The following TIMM21 variants were observed in gnomAD, a reference collection of about 807,000 sequenced individuals.
TIMM21 encodes the protein translocase of inner mitochondrial membrane 21.
In TIMM21, 30 loss-of-function variants were observed where a neutral mutation model predicts 27.7. That is an observed-to-expected ratio of 1.08 (90% CI 0.81 to 1.47). The LOEUF is 1.47. Ranked by LOEUF, TIMM21 falls within the 40% of genes most tolerant of loss-of-function variation. The pLI, the probability that TIMM21 is intolerant of heterozygous loss-of-function variation, is 0.00. For synonymous variants in TIMM21, 121 were observed against 114.4 expected (o/e 1.06, Z -0.37); for missense variants, 292 against 302.9 (o/e 0.96, Z 0.27).
In TIMM21 at chr18:74,158,837, A is replaced by T; in HGVS notation, c.*357A>T. On this transcript the variant is annotated 3_prime_UTR_variant, in exon 6 of 6. Transcript: ENST00000169551. ...AACTGCATAATGTCTGCAGAATAAA[A>T]TTAAAACTAACAAATATGTCATTAG... 2 of 193,178 alleles carry T rather than the reference A, an allele frequency of 1.0e-5. No individual in the cohort carries two copies. Among genetic ancestry groups the T allele is most frequent in the Non-Finnish European group, 2.1e-5 (2 of 94,916 alleles). The allele number at this position is 193,178 out of a possible 1,614,324, so 12.0% of individuals were successfully genotyped here.
intron 1 of TIMM21, among the ~76,000 whole-genome samples, chr18:74,150,596 G>T (rs1187324576): frequency 6.6e-6 from 1 of 152,194 alleles, no homozygotes; most frequent in East Asian, 1.9e-4. Context: ...GACTACTGCT[G>T]CTGCTTCTGA....
intron 1 of TIMM21, 101 bp from the exon 2 acceptor site, chr18:74,155,044 A>T (rs750018665): frequency 2.6e-4 from 303 of 1,150,774 alleles, no homozygotes; most frequent in Non-Finnish European, 3.8e-4. Context: ...CCTTGCTTTG[A>T]TCTGGAGGCT....
chr18:74,151,153 G>A (rs1306951824), intron 1 of TIMM21, among the ~76,000 whole-genome samples: 2 of 152,234 alleles, frequency 1.3e-5, no homozygotes, highest in African/African-American at 2.4e-5. Context: ...CACAGACTAT[G>A]TCCAAGTTGA....
intron 3 of TIMM21, chr18:74,156,184 AC>A: frequency 2.5e-6 from 1 of 398,542 alleles, no homozygotes; most frequent in Non-Finnish European, 4.4e-6. Flanking sequence ...AACTTCATTC[AC>A]CCTGAAAGAT....
At position 74,155,162 on chromosome 18, in the gene TIMM21, G is replaced by T. The variant is rs756895979; in HGVS notation, c.319G>T (p.Asp107Tyr). The T allele has an allele frequency of 1.2e-6, 2 of 1,614,222 alleles. No individual in the cohort carries two copies. Among genetic ancestry groups the T allele is most frequent in the Admixed American group, 1.7e-5 (1 of 60,036 alleles). Residue 107 changes from aspartate (D) to tyrosine (Y), a missense_variant, in exon 2 of 6, where the codon GAT becomes TAT. Transcript: ENST00000169551. ...TSQKVKEAGR[D>Y]FTYLIVVLFG... The stretch of plus-strand genomic sequence containing the variant: ...CTTCACAGTGAAAGAAGCCGGAAGA[G>T]ATTTTACCTATTTAATAGTGGTGCT...
rs1435106167 is a variant in TIMM21 at position 74,159,358 on chromosome 18, C to T, written c.*878C>T. The T allele has an allele frequency of 6.6e-6, 1 of 150,822 alleles. No homozygotes were observed. 9.3% of individuals were successfully genotyped at this position (150,822 alleles called of 1,614,324 possible). A position where few individuals can be genotyped will look rare whatever the true frequency, so the allele number is the denominator to read the frequency against. The stretch of plus-strand genomic sequence containing the variant: ...TTTGGAAAAAAGTGACCTTCACTTA[C>T]AAGATCCTGATTCCATATCTATGTA... On this transcript the variant is annotated 3_prime_UTR_variant, in exon 6 of 6. Transcript: ENST00000169551.
rs766465477 is a variant in TIMM21 at position 74,152,569 on chromosome 18, T to C, written c.302-2576T>C. Among the ~76,000 whole-genome samples the C allele has an allele frequency of 2.6e-5, 4 of 152,136 alleles. No homozygotes were observed. Among genetic ancestry groups the C allele is most frequent in the Non-Finnish European group, 4.4e-5 (3 of 68,016 alleles). ...GCCAGCATTCCATCCCAGGTCCCCA[T>C]TGGTGAGAGCTGCATCAGCTGCACT... On this transcript the variant is annotated intron_variant, in intron 1 of 5. Transcript: ENST00000169551. This position sits in a 1 kb window ranked among gnomAD's most constrained non-coding sequence, Gnocchi z 4.1.
rs745547342 is a variant in TIMM21 at position 74,158,404 on chromosome 18, GAT to G, written c.678_679del (p.Phe227CysfsTer4). 9.3e-6 allele frequency: 15 copies of G among 1,605,798 alleles called. No individual in the cohort carries two copies. In the Admixed American group the frequency reaches 2.4e-4, roughly 25 times the overall value. ...CCAGGAAGTGGTGAATATGATTTTC[GAT>G]ATATATTTGTAGAAATTGAATCTTA... is the stretch of plus-strand genomic sequence containing the variant. On this transcript the variant is annotated frameshift_variant, in exon 6 of 6. Coordinates refer to ENST00000169551, the MANE Select transcript of TIMM21 (RefSeq NM_014177.3). LOFTEE classifies it low-confidence loss of function (END_TRUNC).
Position 74,152,622 on chromosome 18 carries a change from C to G in TIMM21, c.302-2523C>G, listed in dbSNP as rs904180409. 6.6e-6 allele frequency among the ~76,000 whole-genome samples: 1 copy of G among 152,178 alleles called. No individual in the cohort carries two copies. Among genetic ancestry groups the G allele is most frequent in the Admixed American group, 6.5e-5 (1 of 15,288 alleles). ...AGCTCTATGACAGGTGCTGTCAGTA[C>G]CCCCCTACCACCAGGGACAGGGTCC... is the stretch of plus-strand genomic sequence containing the variant. On this transcript the variant is annotated intron_variant, in intron 1 of 5. Coordinates refer to ENST00000169551, the MANE Select transcript of TIMM21 (RefSeq NM_014177.3). This position sits in a 1 kb window ranked among gnomAD's most constrained non-coding sequence, Gnocchi z 4.1.
At chr18:74,151,943 C>CT (rs922943506) in intron 1 of TIMM21, among the ~76,000 whole-genome samples, 4 of 145,886 alleles carry the variant, frequency 2.7e-5, no homozygotes, top group Non-Finnish European at 6.0e-5. Flanking sequence ...ATGTTCCCCC[C>CT]CCCCCCGGGG....
At position 74,160,442 on chromosome 18, in the gene TIMM21, T is replaced by C. The variant is rs1980070583; in HGVS notation, c.*1962T>C. ...TCTGTATAGCCACAGGAAAATGTGA[T>C]GTGTAACTCTCTAGATCTCTGTTTT... On this transcript the variant is annotated 3_prime_UTR_variant, in exon 6 of 6. Coordinates refer to ENST00000169551, the MANE Select transcript of TIMM21 (RefSeq NM_014177.3). 1 of 152,238 alleles carries C rather than the reference T, an allele frequency of 6.6e-6. No individual in the cohort carries two copies. The highest frequency in any genetic ancestry group is 2.4e-5 in the African/African-American group (1 of 41,460). The allele number at this position is 152,238 out of a possible 1,614,324, so 9.4% of individuals were successfully genotyped here.
rs1979841095 is a variant in TIMM21, at chr18:74,152,637, G to A, written c.302-2508G>A. 6.6e-6 allele frequency among the ~76,000 whole-genome samples: 1 copy of A among 152,116 alleles called. No individual in the cohort carries two copies. Among genetic ancestry groups the A allele is most frequent in the African/African-American group, 2.4e-5 (1 of 41,412 alleles). On this transcript the variant is annotated intron_variant, in intron 1 of 5. Transcript: ENST00000169551. This position sits in a 1 kb window ranked among gnomAD's most constrained non-coding sequence, Gnocchi z 4.1. ...GCTGTCAGTACCCCCCTACCACCAG[G>A]GACAGGGTCCTCATTGCCAGCCAGT...
At chr18:74,149,141 C>T in intron 1 of TIMM21, 32 bp downstream of exon 1, 1 of 1,586,430 alleles carries the variant, frequency 6.3e-7, no homozygotes, top group Non-Finnish European at 8.6e-7. Context: ...ATTGGGCTTT[C>T]AACAGACATG....
At chr18:74,155,537 T>A (rs928622740) in intron 3 of TIMM21, 134 bp downstream of exon 3, 2 of 715,082 alleles carry the variant, frequency 2.8e-6, no homozygotes, top group Non-Finnish European at 4.6e-6. Context: ...GGTCGAGTCA[T>A]CATTACATTA....
chr18:74,154,269 C>T (rs1208278918), intron 1 of TIMM21, among the ~76,000 whole-genome samples: 2 of 147,356 alleles, frequency 1.4e-5, no homozygotes, highest in African/African-American at 4.9e-5. Context: ...CTGACACTGT[C>T]TTTTTTTTTT....
intron 1 of TIMM21, among the ~76,000 whole-genome samples, chr18:74,154,521 A>G (rs1006764203): frequency 6.6e-6 from 1 of 152,026 alleles, no homozygotes; most frequent in Non-Finnish European, 1.5e-5. Context: ...TCGGCCTCCC[A>G]AAGTGCTGGG....
chr18:74,157,621 A>T (rs1282651795), intron 3 of TIMM21: 1 of 160,866 alleles, frequency 6.2e-6, no homozygotes, highest in Admixed American at 6.3e-5. Context: ...TTTGAGACGG[A>T]GTCTCGCTCT....
At position 74,148,867 on chromosome 18, in the gene TIMM21, C is replaced by T. The variant is rs1979690725; in HGVS notation, c.59C>T (p.Ala20Val). The T allele has an allele frequency of 6.2e-7, 1 of 1,614,024 alleles. No individual in the cohort carries two copies. The highest frequency in any genetic ancestry group is 1.1e-5 in the South Asian group (1 of 91,092). ...ACGGAGAAGCTGCACAGGTCCTCGGCAAAGCGATTGCTTTTGCCATACATC... is the reference window on the plus strand; with the variant it reads ...ACGGAGAAGCTGCACAGGTCCTCGGTAAAGCGATTGCTTTTGCCATACATC... Reference protein sequence around the residue: ...QYTEKLHRSSAKRLLLPYIVL... With the variant: ...QYTEKLHRSSVKRLLLPYIVL... The change falls in exon 1 of 6, where the codon GCA becomes GTA. Residue 20 changes from alanine (A) to valine (V), a missense_variant. By Grantham distance (64) the Ala-to-Val change is moderately conservative. Transcript: ENST00000169551.
intron 1 of TIMM21, among the ~76,000 whole-genome samples, chr18:74,151,958 C>G (rs1489262242): frequency 8.2e-6 from 1 of 121,262 alleles, no homozygotes; most frequent in Non-Finnish European, 1.6e-5. Context: ...CCGGGGGGAC[C>G]TCCAGCTCCT....
Sources: allele counts gnomAD v4.1 joint callset (sites outside exome capture counted in the v4.1 genomes callset), GRCh38; gene constraint gnomAD v4.1.1; non-coding constraint Gnocchi (gnomAD v3.1); transcripts MANE v1.5; gene names NCBI Gene and HGNC (gene_info 2026-07-23, HGNC 2026-07-21).